Variants in CAST observed in about 807,000 individuals in gnomAD.
CAST encodes MIR583 host.
A neutral mutation model predicts 119.6 loss-of-function variants in CAST; 76 were observed. That is an observed-to-expected ratio of 0.64 (90% CI 0.53 to 0.77). CAST has a LOEUF of 0.77. Among genes scored for constraint, CAST ranks in the 30% least tolerant of loss-of-function variants. The pLI, the probability that CAST is intolerant of heterozygous loss-of-function variation, is 0.00. For missense variants in CAST, 953 were observed against 946.5 expected, an observed-to-expected ratio of 1.01 and a Z score of -0.09; for synonymous variants, 319 against 331.6, an observed-to-expected ratio of 0.96 and a Z score of 0.41.
chr5:96,718,565 A>G (rs1445762783), intron 3 of CAST, among the ~76,000 whole-genome samples: 3 of 151,968 alleles, frequency 2.0e-5, no homozygotes, highest in Non-Finnish European at 4.4e-5. Flanking sequence ...AAGAATACAG[A>G]GAAGAATGGA....
At chr5:96,457,632 C>T in the CAST span, among the ~76,000 whole-genome samples, 3 of 152,222 alleles carry the variant, frequency 2.0e-5, no homozygotes, top group Non-Finnish European at 4.4e-5. Flanking sequence ...TAGTCTTCTT[C>T]CCACCTGCAC....
At chr5:96,521,135 C>G (rs1246568414), upstream of CAST, among the ~76,000 whole-genome samples, 6 of 152,130 alleles carry the variant, frequency 3.9e-5, no homozygotes, top group Admixed American at 2.0e-4. Context: ...ACTGTGAGTT[C>G]CCTGAGGTGT....
At chr5:96,410,742 T>C in the CAST span, 3 of 1,549,480 alleles carry the variant, frequency 1.9e-6, no homozygotes, top group Non-Finnish European at 2.7e-6. Flanking sequence ...CTCTCCTAAC[T>C]AAGCAGAGAG....
the CAST span, among the ~76,000 whole-genome samples, chr5:96,372,422 G>A: frequency 1.3e-5 from 2 of 152,106 alleles, no homozygotes; most frequent in East Asian, 3.9e-4. Flanking sequence ...TCATCATGGT[G>A]GTTGCCCTCG....
chr5:96,176,905 C>T, the CAST span, among the ~76,000 whole-genome samples: 1 of 152,168 alleles, frequency 6.6e-6, no homozygotes, highest in African/African-American at 2.4e-5. Context: ...AAGCTTAGGA[C>T]TGCATCATCT....
chr5:96,678,418 T>C (rs1280523997), intron 2 of CAST, among the ~76,000 whole-genome samples: 1 of 152,220 alleles, frequency 6.6e-6, no homozygotes, highest in Non-Finnish European at 1.5e-5. Flanking sequence ...GTTTTTCTTC[T>C]CTTTTTATTA....
At chr5:96,132,488 A>G in the CAST span, among the ~76,000 whole-genome samples, 4 of 152,134 alleles carry the variant, frequency 2.6e-5, no homozygotes, top group African/African-American at 9.6e-5. Flanking sequence ...TTACTGTGCT[A>G]TCAAACACTC....
chr5:96,267,396 T>G, the CAST span, among the ~76,000 whole-genome samples: 2 of 152,128 alleles, frequency 1.3e-5, no homozygotes, highest in African/African-American at 2.4e-5. Context: ...TTTTCAAAAA[T>G]GAAGGACAGA....
At chr5:96,460,430 C>A in the CAST span, among the ~76,000 whole-genome samples, 1,329 of 152,008 alleles carry the variant, frequency 8.7e-3, 24 homozygotes, top group African/African-American at 0.031. Context: ...CTAATGCATG[C>A]GGGGCTTAAA....
chr5:96,217,861 G>A, the CAST span, among the ~76,000 whole-genome samples: 1 of 152,132 alleles, frequency 6.6e-6, no homozygotes, highest in South Asian at 2.1e-4. Context: ...TGCTGTGAAT[G>A]TTCTTTCCTG....
At chr5:96,152,406 G>A in the CAST span, among the ~76,000 whole-genome samples, 1 of 152,144 alleles carries the variant, frequency 6.6e-6, no homozygotes, top group East Asian at 1.9e-4. Flanking sequence ...CTGGGTTTCC[G>A]GCTGGCTTTC....
At chr5:96,457,467 A>T in the CAST span, among the ~76,000 whole-genome samples, 1 of 152,140 alleles carries the variant, frequency 6.6e-6, no homozygotes, top group Non-Finnish European at 1.5e-5. Flanking sequence ...TCTTAGATTG[A>T]CTAACGAGGC....
the CAST span, among the ~76,000 whole-genome samples, chr5:96,497,680 T>C: frequency 6.6e-6 from 1 of 152,252 alleles, no homozygotes; most frequent in African/African-American, 2.4e-5. Flanking sequence ...TGTCTGTTCA[T>C]ATCCTTTGCC....
chr5:96,375,899 C>CTA, the CAST span, among the ~76,000 whole-genome samples: 4,831 of 144,608 alleles, frequency 0.033, 243 homozygotes, highest in African/African-American at 0.12. Flanking sequence ...CTCTCTCTCT[C>CTA]TATATATATA....
the CAST span, among the ~76,000 whole-genome samples, chr5:96,261,431 C>T: frequency 2.0e-5 from 3 of 152,188 alleles, no homozygotes; most frequent in Admixed American, 6.5e-5. Flanking sequence ...ATTACCCCCC[C>T]ATCCAGGGCT....
upstream of CAST, among the ~76,000 whole-genome samples, chr5:96,521,243 A>G (rs1745511890): frequency 6.6e-6 from 1 of 151,950 alleles, no homozygotes; most frequent in African/African-American, 2.4e-5. Context: ...TGATCATCTC[A>G]CTCTGCTGCT....
At chr5:95,991,205 T>A in the CAST span, among the ~76,000 whole-genome samples, 1 of 152,196 alleles carries the variant, frequency 6.6e-6, no homozygotes, top group Non-Finnish European at 1.5e-5. Flanking sequence ...CTCTTAAGAT[T>A]TGAAATTTTA....
the CAST span, among the ~76,000 whole-genome samples, chr5:96,231,740 G>A: frequency 5.3e-5 from 8 of 151,912 alleles, no homozygotes. Context: ...TATCTTCATT[G>A]TGGAACAACA....
chr5:96,572,352 C>A (rs6868440), intron 1 of CAST, among the ~76,000 whole-genome samples: 10 of 151,858 alleles, frequency 6.6e-5, no homozygotes, highest in African/African-American at 2.2e-4. Flanking sequence ...AGGCACACAC[C>A]ACCACACCCA....
Sources: gnomAD v4.1 joint callset for allele counts (sites outside exome capture counted in the v4.1 genomes callset) on GRCh38, gnomAD v4.1.1 for gene constraint, MANE v1.5 for transcripts, NCBI Gene and HGNC (gene_info 2026-07-23, HGNC 2026-07-21) for gene names.